The following KPNA3 variants were observed in gnomAD, a reference collection of about 807,000 sequenced individuals.
KPNA3 encodes the protein importin subunit alpha-4.
Under a neutral mutation model 73.8 loss-of-function variants are expected in KPNA3, and 13 were observed. The observed-to-expected ratio is 0.18, with a 90% confidence interval of 0.11 to 0.28. The LOEUF is 0.28. Ranked by LOEUF, KPNA3 falls within the 10% of genes least tolerant of loss-of-function variation. KPNA3 has a pLI of 1.00. For synonymous variants in KPNA3, 186 were observed against 206.9 expected (o/e 0.90, Z 0.87); for missense variants, 360 against 618.1 (o/e 0.58, Z 4.43).
chr13:49,759,268 C>T (rs1052645182), intron 1 of KPNA3, among the ~76,000 whole-genome samples: 1 of 152,116 alleles, frequency 6.6e-6, no homozygotes, highest in Non-Finnish European at 1.5e-5. Flanking sequence ...TGTTTCTAAA[C>T]AAATTTTATC....
intron 1 of KPNA3, among the ~76,000 whole-genome samples, chr13:49,771,853 G>C (rs1045314669): frequency 6.6e-6 from 1 of 152,072 alleles, no homozygotes; most frequent in South Asian, 2.1e-4. Flanking sequence ...ACGGGATCTA[G>C]CCATGTTGCC....
intron 12 of KPNA3, among the ~76,000 whole-genome samples, chr13:49,709,349 C>T (rs187007933): frequency 2.0e-5 from 3 of 146,630 alleles, no homozygotes; most frequent in East Asian, 2.0e-4. Flanking sequence ...TGCAGTGAGC[C>T]GAGATCGTGC....
rs1954127109 is a variant in KPNA3 at position 49,699,374 on chromosome 13, T to C, written c.*2426A>G. 6.6e-6 allele frequency: 1 copy of C among 152,632 alleles called. No homozygotes were observed. Among genetic ancestry groups the C allele is most frequent in the Non-Finnish European group, 1.5e-5 (1 of 68,040 alleles). The allele number at this position is 152,632 out of a possible 1,614,324, so 9.5% of individuals were successfully genotyped here. A position where few individuals can be genotyped will look rare whatever the true frequency, so the allele number is the denominator to read the frequency against. ...ATTGGTTACAAAACCTAAGCCCATA[T>C]ACAAAATTAGGAACACATTTAGATG... On this transcript the variant is annotated 3_prime_UTR_variant, in exon 17 of 17. Transcript: ENST00000261667.
intron 2 of KPNA3, among the ~76,000 whole-genome samples, chr13:49,739,853 G>C (rs986546755): frequency 1.3e-5 from 2 of 152,124 alleles, no homozygotes; most frequent in African/African-American, 4.8e-5. Flanking sequence ...AGAAAGACCT[G>C]CTTTAAACAT....
At chr13:49,708,709 G>A (rs1954231219) in intron 12 of KPNA3, among the ~76,000 whole-genome samples, 1 of 152,160 alleles carries the variant, frequency 6.6e-6, no homozygotes, top group Non-Finnish European at 1.5e-5. Flanking sequence ...AAAGAATAAA[G>A]TTCTGACACA....
intron 1 of KPNA3, among the ~76,000 whole-genome samples, chr13:49,786,399 C>A (rs1954982759): frequency 2.0e-5 from 3 of 152,130 alleles, no homozygotes; most frequent in South Asian, 4.1e-4. Context: ...AAGGAAAATT[C>A]ACCTAGGAAA....
In KPNA3 at chr13:49,784,297, A is replaced by G. The variant is rs138731288; in HGVS notation, c.69+8141T>C. On this transcript the variant is annotated intron_variant, in intron 1 of 16. Transcript: ENST00000261667. ...AATCTGAAGGGTGGTAAAAAAACAA[A>G]TAAGAGGAACCAGTTAAGCACCACC... Among the ~76,000 whole-genome samples, 50 of 152,348 alleles carry G rather than the reference A, an allele frequency of 3.3e-4. No individual in the cohort carries two copies. In the East Asian group the frequency reaches 9.2e-3, roughly 28 times the overall value.
intron 1 of KPNA3, among the ~76,000 whole-genome samples, chr13:49,780,726 T>C (rs937747776): frequency 2.6e-5 from 4 of 151,328 alleles, no homozygotes; most frequent in African/African-American, 4.9e-5. Context: ...TTTCTTTTTT[T>C]TTTTTTTTTT....
chr13:49,722,505 T>C lies in KPNA3; in HGVS notation c.528A>G (p.Gln176=), dbSNP rs1462219472. 1 of 1,611,952 alleles carries C rather than the reference T, an allele frequency of 6.2e-7. No individual in the cohort carries two copies. Among genetic ancestry groups the C allele is most frequent in the East Asian group, 2.2e-5 (1 of 44,788 alleles). The change falls in exon 8 of 17, where the codon CAA becomes CAG. Residue 176 remains glutamine, a synonymous_variant. Coordinates refer to ENST00000261667, the MANE Select transcript of KPNA3 (RefSeq NM_002267.4). ...LRSPHQNVCE[Q]AVWALGNIIG... The stretch of plus-strand genomic sequence containing the variant: ...TAATGTTTCCCAAAGCCCATACTGC[T>C]TGTTCACAAACATTCTGATGTGGTG...
chr13:49,727,947 A>C (rs989117683), intron 6 of KPNA3, among the ~76,000 whole-genome samples: 44 of 152,294 alleles, frequency 2.9e-4, no homozygotes, highest in African/African-American at 1.1e-3. Context: ...TTAAGAAGGG[A>C]CAAGTCGGCC....
chr13:49,704,075 C>T (rs111555710), intron 15 of KPNA3, among the ~76,000 whole-genome samples: 4,164 of 152,216 alleles, frequency 0.027, 193 homozygotes, highest in African/African-American at 0.094. Flanking sequence ...TCACAACCTA[C>T]TTCTGTCACC....
At chr13:49,776,514 C>G (rs1382807621) in intron 1 of KPNA3, among the ~76,000 whole-genome samples, 3 of 152,166 alleles carry the variant, frequency 2.0e-5, no homozygotes, top group African/African-American at 4.8e-5. Flanking sequence ...TCTGTAATAT[C>G]TGTGAATCTA....
intron 2 of KPNA3, among the ~76,000 whole-genome samples, chr13:49,743,599 G>T (rs1049064624): frequency 6.6e-6 from 1 of 151,624 alleles, no homozygotes; most frequent in Non-Finnish European, 1.5e-5. Context: ...AAAAGAAAGG[G>T]GTCTCTAAGG....
intron 1 of KPNA3, among the ~76,000 whole-genome samples, chr13:49,771,585 G>A (rs1954855785): frequency 6.6e-6 from 1 of 151,948 alleles, no homozygotes; most frequent in East Asian, 1.9e-4. Context: ...CAAGTAGCTG[G>A]GACTACAGGC....
intron 10 of KPNA3, among the ~76,000 whole-genome samples, chr13:49,711,531 T>C (rs951094875): frequency 2.0e-5 from 3 of 152,238 alleles, no homozygotes; most frequent in Non-Finnish European, 2.9e-5. Context: ...TAACTTCATC[T>C]GGGGAAAAAA....
chr13:49,747,113 G>C (rs965824221), intron 1 of KPNA3, 120 bp from the exon 2 acceptor site: 1 of 620,422 alleles, frequency 1.6e-6, no homozygotes, highest in African/African-American at 1.9e-5. Flanking sequence ...AGGCCGAGGC[G>C]GGCAGATCAC....
intron 2 of KPNA3, among the ~76,000 whole-genome samples, chr13:49,736,822 C>A (rs1381502955): frequency 6.6e-6 from 1 of 152,144 alleles, no homozygotes; most frequent in Non-Finnish European, 1.5e-5. Flanking sequence ...TAAGCAAAAT[C>A]AACTCCTTCT....
chr13:49,761,464 C>T (rs1264120493), intron 1 of KPNA3, among the ~76,000 whole-genome samples: 3 of 152,280 alleles, frequency 2.0e-5, no homozygotes, highest in African/African-American at 7.2e-5. Context: ...TGGTCTCCAG[C>T]TCCTAACCGC....
chr13:49,722,783 C>T (rs2137545257), intron 7 of KPNA3, among the ~76,000 whole-genome samples: 1 of 138,570 alleles, frequency 7.2e-6, no homozygotes, highest in South Asian at 2.3e-4. Flanking sequence ...GCTATCATAC[C>T]ATTAACTAAA....
Sources: gnomAD v4.1 joint callset for allele counts (sites outside exome capture counted in the v4.1 genomes callset) on GRCh38, gnomAD v4.1.1 for gene constraint, MANE v1.5 for transcripts, NCBI Gene and HGNC (gene_info 2026-07-23, HGNC 2026-07-21) for gene names.